The following ADGRV1 variants were observed in gnomAD, a reference collection of about 807,000 sequenced individuals.
The protein encoded by ADGRV1 is G-protein coupled receptor 98.
In ADGRV1, 359 loss-of-function variants were observed where a neutral mutation model predicts 596.2. That is an observed-to-expected ratio of 0.60 (90% CI 0.55 to 0.66). The LOEUF (loss-of-function observed/expected upper bound fraction) is 0.66, where lower values mean the gene tolerates loss of function less well. Ranked by LOEUF, ADGRV1 falls within the 30% of genes least tolerant of loss-of-function variation. ADGRV1 has a pLI of 0.00. For missense variants in ADGRV1, 7,274 were observed against 7,575.6 expected (o/e 0.96, Z 1.48); for synonymous variants, 2,681 against 2,679.2 (o/e 1.00, Z -0.02).
intron 83 of ADGRV1, among the ~76,000 whole-genome samples, chr5:90,888,788 T>G (rs552288372): frequency 2.4e-4 from 37 of 152,250 alleles, no homozygotes; most frequent in African/African-American, 8.2e-4. Flanking sequence ...GGCATACTTT[T>G]CACAACCCCT....
At chr5:91,013,196 A>T (rs1352745569) in intron 85 of ADGRV1, among the ~76,000 whole-genome samples, 1 of 152,104 alleles carries the variant, frequency 6.6e-6, no homozygotes, top group Non-Finnish European at 1.5e-5. Context: ...ATTCACATGC[A>T]TGTGTCTTTA....
intron 83 of ADGRV1, among the ~76,000 whole-genome samples, chr5:90,876,795 G>C (rs1203816480): frequency 6.6e-6 from 1 of 152,136 alleles, no homozygotes; most frequent in East Asian, 1.9e-4. Flanking sequence ...TTTTGTTGAA[G>C]CACAATTTAA....
In ADGRV1 at chr5:91,062,162, C is replaced by CT. The variant is rs1787495296; in HGVS notation, c.18153-10281dup. 2.0e-5 allele frequency among the ~76,000 whole-genome samples: 3 copies of CT among 152,160 alleles called. No homozygotes were observed. In the South Asian group the frequency reaches 6.2e-4, roughly 31 times the overall value. Reference sequence around the variant, plus strand: ...CTGAACCCTCTTCTTCTTCTCTCCCCTTTTCTCTTGCTTCCTCTTCCCCTT... The same window carrying CT: ...CTGAACCCTCTTCTTCTTCTCTCCCCTTTTTCTCTTGCTTCCTCTTCCCCTT... On this transcript the variant is annotated intron_variant, in intron 85 of 89. Coordinates refer to ENST00000405460, the MANE Select transcript of ADGRV1 (RefSeq NM_032119.4).
At chr5:90,823,872 C>T (rs758956827) in intron 76 of ADGRV1, among the ~76,000 whole-genome samples, 1 of 152,022 alleles carries the variant, frequency 6.6e-6, no homozygotes, top group South Asian at 2.1e-4. Context: ...TATTTGTATT[C>T]TTGGTACAAT....
intron 59 of ADGRV1, among the ~76,000 whole-genome samples, chr5:90,772,658 A>C (rs1325224365): frequency 2.0e-5 from 3 of 152,200 alleles, no homozygotes; most frequent in Non-Finnish European, 4.4e-5. Context: ...TGGGGTTACA[A>C]AGTTGGATGA....
At chr5:90,766,065 A>G (rs954788219) in intron 59 of ADGRV1, among the ~76,000 whole-genome samples, 8 of 151,782 alleles carry the variant, frequency 5.3e-5, no homozygotes, top group Non-Finnish European at 1.0e-4. Flanking sequence ...GCCCGCCACC[A>G]CACCTGGCTA....
chr5:91,148,148 T>C (rs547152078), intron 87 of ADGRV1, among the ~76,000 whole-genome samples: 2 of 152,156 alleles, frequency 1.3e-5, no homozygotes, highest in Non-Finnish European at 1.5e-5. Flanking sequence ...TTTGGAAAAT[T>C]TGCAGCCTGA....
chr5:90,880,369 C>A (rs1769644630), intron 83 of ADGRV1, among the ~76,000 whole-genome samples: 1 of 152,094 alleles, frequency 6.6e-6, no homozygotes. Flanking sequence ...TTGCTAAAGG[C>A]TTTAATCAGA....
At chr5:91,066,544 G>A (rs1188528296) in intron 85 of ADGRV1, among the ~76,000 whole-genome samples, 1 of 152,138 alleles carries the variant, frequency 6.6e-6, no homozygotes, top group African/African-American at 2.4e-5. Flanking sequence ...AGCTTTAAAA[G>A]AAGAGTTAAA....
At position 90,627,850 on chromosome 5, in the gene ADGRV1, A is replaced by T. The variant is rs45478296; in HGVS notation, c.1238+74A>T. On this transcript the variant is annotated intron_variant, in intron 7 of 89. Transcript: ENST00000405460. ...CCAGATTTAAGTTTTGTGGTGTTGGACACAACAATGAACTGTTAGAATATG... is the reference window on the plus strand; with the variant it reads ...CCAGATTTAAGTTTTGTGGTGTTGGTCACAACAATGAACTGTTAGAATATG... 163,071 of 952,840 alleles carry T rather than the reference A, an allele frequency of 0.17. 15,325 individuals carry two copies. The highest frequency in any genetic ancestry group is 0.38 in the East Asian group (13,917 of 36,886). 59.0% of individuals were successfully genotyped at this position (952,840 alleles called of 1,614,324 possible). A position where few individuals can be genotyped will look rare whatever the true frequency, so the allele number is the denominator to read the frequency against.
intron 83 of ADGRV1, among the ~76,000 whole-genome samples, chr5:90,962,140 C>A (rs1265480674): frequency 6.6e-6 from 1 of 152,192 alleles, no homozygotes; most frequent in African/African-American, 2.4e-5. Flanking sequence ...TCCTATAGTT[C>A]TTCCTTCGTT....
intron 87 of ADGRV1, among the ~76,000 whole-genome samples, chr5:91,116,751 A>G (rs1792880807): frequency 6.6e-6 from 1 of 152,182 alleles, no homozygotes; most frequent in African/African-American, 2.4e-5. Context: ...GTTTTGGGAC[A>G]TGTTGGGCCA....
At chr5:90,864,690 A>G (rs1767923814) in intron 83 of ADGRV1, among the ~76,000 whole-genome samples, 1 of 152,210 alleles carries the variant, frequency 6.6e-6, no homozygotes, top group East Asian at 1.9e-4. Context: ...GCAAAGGAAA[A>G]AAAGCATAAT....
intron 26 of ADGRV1, among the ~76,000 whole-genome samples, chr5:90,680,665 G>A (rs1561514124): frequency 6.6e-6 from 1 of 152,094 alleles, no homozygotes; most frequent in East Asian, 1.9e-4. Context: ...TTCCATCAGT[G>A]CCTAATGCAA....
intron 87 of ADGRV1, among the ~76,000 whole-genome samples, chr5:91,125,988 G>A (rs1307191884): frequency 1.3e-5 from 2 of 152,140 alleles, no homozygotes; most frequent in Non-Finnish European, 2.9e-5. Context: ...CTACTTCCTT[G>A]AAGCTTTCCA....
In ADGRV1 at chr5:90,861,551, T is replaced by C. The variant is rs376931254; in HGVS notation, c.17756-2206T>C. On this transcript the variant is annotated intron_variant, in intron 82 of 89. Transcript: ENST00000405460. ...GTCTCGATCTCCTGACCTCGTGATCTGCCCACCTTGGCCTCCCAAAGTGCT... is the reference window on the plus strand; with the variant it reads ...GTCTCGATCTCCTGACCTCGTGATCCGCCCACCTTGGCCTCCCAAAGTGCT... Among the ~76,000 whole-genome samples the C allele has an allele frequency of 4.2e-4, 63 of 151,766 alleles. 1 individual carries two copies. Among genetic ancestry groups the C allele is most frequent in the Admixed American group, 3.0e-3 (46 of 15,226 alleles).
intron 71 of ADGRV1, among the ~76,000 whole-genome samples, chr5:90,804,405 A>G (rs1319635532): frequency 6.7e-6 from 1 of 148,856 alleles, no homozygotes; most frequent in Non-Finnish European, 1.5e-5. Context: ...CTGTCTCAAG[A>G]AAAAAAAAAG....
intron 34 of ADGRV1, among the ~76,000 whole-genome samples, chr5:90,700,121 T>TAC (rs1469356064): frequency 6.6e-6 from 1 of 152,226 alleles, no homozygotes; most frequent in Admixed American, 6.5e-5. Flanking sequence ...TGCTTTATAT[T>TAC]ACCATGAAAA....
intron 83 of ADGRV1, among the ~76,000 whole-genome samples, chr5:90,905,876 G>A (rs1772277409): frequency 6.6e-6 from 1 of 151,976 alleles, no homozygotes; most frequent in Non-Finnish European, 1.5e-5. Flanking sequence ...CCTGCTATAT[G>A]TGGCTTTATT....
Sources: gnomAD v4.1 joint callset for allele counts (sites outside exome capture counted in the v4.1 genomes callset) on GRCh38, gnomAD v4.1.1 for gene constraint, MANE v1.5 for transcripts, NCBI Gene and HGNC (gene_info 2026-07-23, HGNC 2026-07-21) for gene names.